Variants in GNG4 observed in about 807,000 individuals in gnomAD.
GNG4 encodes G protein subunit gamma 4, also known as guanine nucleotide-binding protein G(I)/G(S)/G(O) subunit gamma-4.
A neutral mutation model predicts 5.8 loss-of-function variants in GNG4; 4 were observed. The ratio of observed to expected loss-of-function variants is 0.69; its 90% CI spans 0.34 to 1.57. The LOEUF (loss-of-function observed/expected upper bound fraction) is 1.57, where lower values mean the gene tolerates loss of function less well. Among genes scored for constraint, GNG4 ranks in the 40% most tolerant of loss-of-function variants. GNG4 has a pLI of 0.06. For missense variants in GNG4, 96 were observed against 95.1 expected, an observed-to-expected ratio of 1.01 and a Z score of -0.04; for synonymous variants, 29 against 32.9, an observed-to-expected ratio of 0.88 and a Z score of 0.41.
rs1193949918 is a variant in GNG4, at chr1:235,547,848, C to T, written c.*4261G>A. The stretch of plus-strand genomic sequence containing the variant: ...CACCCCAGAAGCACCACCTCATGCC[C>T]GCTTCTGGTTACTGTCTTCTTAGGA... On this transcript the variant is annotated 3_prime_UTR_variant, in exon 4 of 4. Transcript: ENST00000391854. The T allele has an allele frequency of 3.3e-5, 5 of 152,114 alleles. No individual in the cohort carries two copies. The highest frequency in any genetic ancestry group is 7.3e-5 in the Non-Finnish European group (5 of 68,030). 9.4% of individuals were successfully genotyped at this position (152,114 alleles called of 1,614,324 possible). A position where few individuals can be genotyped will look rare whatever the true frequency, so the allele number is the denominator to read the frequency against.
chr1:235,584,931 TTGAG>T (rs572852614), intron 2 of GNG4, among the ~76,000 whole-genome samples: 2 of 152,212 alleles, frequency 1.3e-5, no homozygotes, highest in Admixed American at 1.3e-4. Context: ...ATTAATTTAA[TTGAG>T]TATGTAAAGC....
intron 1 of GNG4, among the ~76,000 whole-genome samples, chr1:235,611,607 C>T (rs1184212052): frequency 6.6e-6 from 1 of 152,196 alleles, no homozygotes; most frequent in African/African-American, 2.4e-5. Flanking sequence ...CTAATCCCAA[C>T]TTCGCATTAG....
At chr1:235,630,020 G>C (rs1232406124) in intron 1 of GNG4, among the ~76,000 whole-genome samples, 2 of 152,062 alleles carry the variant, frequency 1.3e-5, no homozygotes, top group African/African-American at 4.8e-5. Context: ...TTCTCATGTT[G>C]GTGGACAATG....
chr1:235,606,345 G>A (rs1215189235), intron 1 of GNG4, among the ~76,000 whole-genome samples: 2 of 152,158 alleles, frequency 1.3e-5, no homozygotes, highest in African/African-American at 2.4e-5. Context: ...TCGTGCCACT[G>A]AACTTCAGCC....
At chr1:235,602,931 G>T (rs969673566) in intron 1 of GNG4, among the ~76,000 whole-genome samples, 1 of 152,126 alleles carries the variant, frequency 6.6e-6, no homozygotes, top group Non-Finnish European at 1.5e-5. Flanking sequence ...TAGAGGTCAC[G>T]TTCGCTTCCA....
At chr1:235,561,230 C>G (rs1034939211) in intron 3 of GNG4, among the ~76,000 whole-genome samples, 2 of 152,202 alleles carry the variant, frequency 1.3e-5, no homozygotes, top group African/African-American at 4.8e-5. Context: ...AGCATGGTCT[C>G]GATCTCCTGA....
At chr1:235,579,619 G>A (rs1321346809) in intron 3 of GNG4, among the ~76,000 whole-genome samples, 9 of 151,930 alleles carry the variant, frequency 5.9e-5, no homozygotes, top group Non-Finnish European at 1.3e-4. Context: ...GAGAGGCCGA[G>A]ACAGGCAGAT....
chr1:235,643,050 T>TG (rs1657383404), intron 1 of GNG4, among the ~76,000 whole-genome samples: 1 of 152,130 alleles, frequency 6.6e-6, no homozygotes, highest in Non-Finnish European at 1.5e-5. Flanking sequence ...GGGGCACCCT[T>TG]GGGCGTTATC....
chr1:235,622,870 T>A, intron 1 of GNG4, among the ~76,000 whole-genome samples: 1 of 29,540 alleles, frequency 3.4e-5, no homozygotes, highest in Admixed American at 5.7e-4. Context: ...TAAGACTCCA[T>A]CTCAAAAAAA....
intron 3 of GNG4, among the ~76,000 whole-genome samples, chr1:235,577,683 C>A (rs35840115): frequency 0.69 from 104,095 of 151,340 alleles, 36,132 homozygotes; most frequent in East Asian, 0.87. Flanking sequence ...TCGTGATCCA[C>A]CCGCCCTGGC....
At position 235,549,815 on chromosome 1, in the gene GNG4, G is replaced by A. The variant is rs1477068046; in HGVS notation, c.*2294C>T. 6.6e-6 allele frequency: 1 copy of A among 152,212 alleles called. No homozygotes were observed. Among genetic ancestry groups the A allele is most frequent in the Non-Finnish European group, 1.5e-5 (1 of 68,036 alleles). The allele number at this position is 152,212 out of a possible 1,614,324, so 9.4% of individuals were successfully genotyped here. A position where few individuals can be genotyped will look rare whatever the true frequency, so the allele number is the denominator to read the frequency against. On this transcript the variant is annotated 3_prime_UTR_variant, in exon 4 of 4. Coordinates refer to ENST00000391854, the MANE Select transcript of GNG4 (RefSeq NM_001098722.2). ...TGCAGGCAATTTTATGCCTCCAACG[G>A]AACCATGGTCTCTTTGAAGTCATCC... is the stretch of plus-strand genomic sequence containing the variant.
At chr1:235,624,942 G>A (rs886213722) in intron 1 of GNG4, among the ~76,000 whole-genome samples, 11 of 152,302 alleles carry the variant, frequency 7.2e-5, no homozygotes, top group Admixed American at 4.6e-4. Context: ...TTTCTGGAAC[G>A]TGGGGAACCG....
intron 3 of GNG4, among the ~76,000 whole-genome samples, chr1:235,576,147 G>A (rs912613381): frequency 3.3e-4 from 48 of 147,058 alleles, no homozygotes; most frequent in Non-Finnish European, 5.9e-4. Context: ...TGAAACCTCC[G>A]CGTCCCGGAT....
At chr1:235,593,613 C>T (rs965517596) in intron 2 of GNG4, among the ~76,000 whole-genome samples, 7 of 152,148 alleles carry the variant, frequency 4.6e-5, no homozygotes, top group African/African-American at 1.2e-4. Flanking sequence ...TTCTTAAAGG[C>T]GGCGTGTCCG....
intron 1 of GNG4, among the ~76,000 whole-genome samples, chr1:235,609,109 A>T (rs1688423895): frequency 6.6e-6 from 1 of 152,182 alleles, no homozygotes; most frequent in Non-Finnish European, 1.5e-5. Context: ...CTGGGATTGT[A>T]GGCATGAGCC....
intron 1 of GNG4, among the ~76,000 whole-genome samples, chr1:235,630,580 G>A (rs1486223975): frequency 6.6e-6 from 1 of 152,226 alleles, no homozygotes; most frequent in Non-Finnish European, 1.5e-5. Flanking sequence ...GGCCTCTGGA[G>A]CAGGGTCGCC....
intron 1 of GNG4, among the ~76,000 whole-genome samples, chr1:235,632,730 C>T (rs73122543): frequency 0.028 from 4,315 of 152,184 alleles, 207 homozygotes; most frequent in African/African-American, 0.095. Flanking sequence ...ACCAAGATGA[C>T]GACTTGGCAC....
intron 3 of GNG4, among the ~76,000 whole-genome samples, chr1:235,568,486 GAATAA>G (rs1187428611): frequency 6.6e-5 from 10 of 152,104 alleles, no homozygotes; most frequent in African/African-American, 1.4e-4. Flanking sequence ...AAATTCAATG[GAATAA>G]AATAAAATAA....
Position 235,549,327 on chromosome 1 carries a change from G to C in GNG4, c.*2782C>G, listed in dbSNP as rs1686675896. Reference sequence around the variant, plus strand: ...ACAGAAAAGCATCTCACAGGGGAAGGTAAGGAAGAGAGGAGGAAAAGGAAA... The same window carrying C: ...ACAGAAAAGCATCTCACAGGGGAAGCTAAGGAAGAGAGGAGGAAAAGGAAA... On this transcript the variant is annotated 3_prime_UTR_variant, in exon 4 of 4. Coordinates refer to ENST00000391854, the MANE Select transcript of GNG4 (RefSeq NM_001098722.2). 1 of 152,466 alleles carries C rather than the reference G, an allele frequency of 6.6e-6. No homozygotes were observed. 9.4% of individuals were successfully genotyped at this position (152,466 alleles called of 1,614,324 possible).
Sources: gnomAD v4.1 joint callset for allele counts (sites outside exome capture counted in the v4.1 genomes callset) on GRCh38, gnomAD v4.1.1 for gene constraint, MANE v1.5 for transcripts, NCBI Gene and HGNC (gene_info 2026-07-23, HGNC 2026-07-21) for gene names.